Variants in PTPN23 observed in about 807,000 individuals in gnomAD.
PTPN23 encodes protein tyrosine phosphatase non-receptor type 23.
PTPN23 carries 72 observed loss-of-function variants against 156.3 expected under a neutral mutation model. The ratio of observed to expected loss-of-function variants is 0.46; its 90% CI spans 0.38 to 0.56. PTPN23 has a LOEUF of 0.56. Ranked by LOEUF, PTPN23 falls within the 20% of genes least tolerant of loss-of-function variation. The pLI is 0.00. For missense variants in PTPN23, 1,974 were observed against 2,171.5 expected (o/e 0.91, Z 1.81); for synonymous variants, 957 against 899.6 (o/e 1.06, Z -1.14).
rs762365760 is a variant in PTPN23 at position 47,410,822 on chromosome 3, GCAGCCGCCACCCCCCCTA to G, written c.3027_3044del (p.Gln1009_Leu1014del). On this transcript the variant is annotated inframe_deletion, in exon 20 of 25. Coordinates refer to ENST00000265562, the MANE Select transcript of PTPN23 (RefSeq NM_015466.4). The stretch of plus-strand genomic sequence containing the variant: ...ATGCCCCTCAGCCTGGGGTCCTGGG[GCAGCCGCCACCCCCCCTA>G]CACACCCAGCTCTACCCAGGTCCCG... The G allele has an allele frequency of 6.2e-7, 1 of 1,602,598 alleles. No homozygotes were observed. Among genetic ancestry groups the G allele is most frequent in the South Asian group, 1.1e-5 (1 of 90,722 alleles).
intron 2 of PTPN23, among the ~76,000 whole-genome samples, chr3:47,402,158 C>A (rs944878542): frequency 6.6e-6 from 1 of 151,900 alleles, no homozygotes; most frequent in Non-Finnish European, 1.5e-5. Flanking sequence ...TGTTGTTTTC[C>A]CCCCAAAATA....
chr3:47,407,452 G>T lies in PTPN23; in HGVS notation c.924-53G>T. On this transcript the variant is annotated intron_variant, in intron 11 of 24. Transcript: ENST00000265562. The surrounding 1 kb of genome is among the most constrained non-coding windows in gnomAD (Gnocchi z 4.0). Reference sequence around the variant, plus strand: ...GGCATCTACATGGGAAGTAGGTTCTGGATCCCCACTGACACCCCGTGACTG... The same window carrying T: ...GGCATCTACATGGGAAGTAGGTTCTTGATCCCCACTGACACCCCGTGACTG... 2 of 1,608,048 alleles carry T rather than the reference G, an allele frequency of 1.2e-6. No individual in the cohort carries two copies. The highest frequency in any genetic ancestry group is 4.5e-5 in the East Asian group (2 of 44,834).
In PTPN23 at chr3:47,408,788, T is replaced by C. The variant is rs1337729000; in HGVS notation, c.1343T>C (p.Val448Ala). ...LVQSMQVLSG[V>A]FTDVEASLKD... ...TCCACAACCCCAGTGCTGTCAGGTG[T>C]GTTCACGGATGTGGAGGCTTCCCTG... The change falls in exon 16 of 25, where the codon GTG (valine) becomes GCG (alanine). Residue 448 changes from valine (V) to alanine (A), a missense_variant. Coordinates refer to ENST00000265562, the MANE Select transcript of PTPN23 (RefSeq NM_015466.4). 1.3e-6 allele frequency: 2 copies of C among 1,594,070 alleles called. No individual in the cohort carries two copies. Among genetic ancestry groups the C allele is most frequent in the Non-Finnish European group, 8.6e-7 (1 of 1,168,928 alleles).
rs183299169 is a variant in PTPN23, at chr3:47,408,452, G to A, written c.1292G>A (p.Arg431Gln). The A allele has an allele frequency of 5.1e-5, 82 of 1,614,044 alleles. No homozygotes were observed. The highest frequency in any genetic ancestry group is 1.8e-4 in the Admixed American group (11 of 60,010). The change falls in exon 15 of 25, where the codon CGG becomes CAG. Residue 431 changes from arginine (R) to glutamine (Q), a missense_variant. Physicochemically the swap from Arg to Gln is conservative, Grantham distance 43. Around this residue, in one of 4 missense-constraint regions of PTPN23, gnomAD observed 726 missense variants for 929.5 expected, o/e 0.78. Transcript: ENST00000265562. ...GAGAAGTGCGCGGCTCTCAGCGTCC[G>A]GCCCGACACTGTCAGGAACCTTGTA... Reference protein sequence around the residue: ...LMEKCAALSVRPDTVRNLVQS... With the variant: ...LMEKCAALSVQPDTVRNLVQS...
At chr3:47,403,141 C>T (rs1220015696) in intron 2 of PTPN23, among the ~76,000 whole-genome samples, 1 of 151,738 alleles carries the variant, frequency 6.6e-6, no homozygotes, top group Non-Finnish European at 1.5e-5. Context: ...GGCTCCGCCC[C>T]CCGGGGGTTC....
Position 47,409,260 on chromosome 3 carries a change from T to C in PTPN23, c.1740T>C (p.Leu580=), listed in dbSNP as rs986723724. 1.2e-6 allele frequency: 2 copies of C among 1,614,018 alleles called. No individual in the cohort carries two copies. The highest frequency in any genetic ancestry group is 3.3e-5 in the Admixed American group (2 of 59,998). The change falls in exon 17 of 25, where the codon CTT becomes CTC. Residue 580 remains leucine (L), a synonymous_variant. Coordinates refer to ENST00000265562, the MANE Select transcript of PTPN23 (RefSeq NM_015466.4). ...RVSLEQQLRE[L]IQKDDITASL... The stretch of plus-strand genomic sequence containing the variant: ...CCCTGGAGCAGCAGCTGCGTGAGCT[T>C]ATCCAGAAAGATGACATCACTGCCT...
chr3:47,404,756 G>A lies in PTPN23; in HGVS notation c.264G>A (p.Gln88=). 6.2e-7 allele frequency: 1 copy of A among 1,613,792 alleles called. No individual in the cohort carries two copies. ...LQSRVPMGSG[Q]EAAVPVTWTE... ...GTCGGGTCCCCATGGGCTCGGGCCA[G>A]GAGGCCGCTGTCCCTGTCACCTGGT... Residue 88 remains glutamine (Q), a synonymous_variant, in exon 3 of 25, where the codon CAG becomes CAA. Transcript: ENST00000265562.
intron 2 of PTPN23, among the ~76,000 whole-genome samples, chr3:47,400,985 C>T (rs1704982682): frequency 6.6e-6 from 1 of 151,780 alleles, no homozygotes; most frequent in Non-Finnish European, 1.5e-5. Flanking sequence ...TTACTGCAAG[C>T]TCCGCCTCCC....
Position 47,407,437 on chromosome 3 carries a change from T to G in PTPN23, c.924-68T>G. 2 of 1,608,810 alleles carry G rather than the reference T, an allele frequency of 1.2e-6. No homozygotes were observed. Among genetic ancestry groups the G allele is most frequent in the Non-Finnish European group, 1.7e-6 (2 of 1,175,498 alleles). ...TCTTGTCCCTCTGCTGGCATCTACA[T>G]GGGAAGTAGGTTCTGGATCCCCACT... On this transcript the variant is annotated intron_variant, in intron 11 of 24. Coordinates refer to ENST00000265562, the MANE Select transcript of PTPN23 (RefSeq NM_015466.4). This position sits in a 1 kb window ranked among gnomAD's most constrained non-coding sequence, Gnocchi z 4.0.
Position 47,409,709 on chromosome 3 carries a change from G to A in PTPN23, c.2004G>A (p.Leu668=), listed in dbSNP as rs1705217813. The change falls in exon 19 of 25, where the codon CTG becomes CTA. Residue 668 remains leucine, a synonymous_variant. Transcript: ENST00000265562. ...LVASYEAYED[L]MKKSQEGRDF... ...CCTCGTATGAAGCCTATGAGGACCTGATGAAGAAGTCGCAGGAGGGCAGGG... is the reference window on the plus strand; with the variant it reads ...CCTCGTATGAAGCCTATGAGGACCTAATGAAGAAGTCGCAGGAGGGCAGGG... 6.2e-7 allele frequency: 1 copy of A among 1,608,636 alleles called. No homozygotes were observed. Among genetic ancestry groups the A allele is most frequent in the Non-Finnish European group, 8.5e-7 (1 of 1,179,844 alleles).
chr3:47,391,309 G>T (rs1704768409), intron 1 of PTPN23, among the ~76,000 whole-genome samples: 1 of 152,142 alleles, frequency 6.6e-6, no homozygotes, highest in Admixed American at 6.5e-5. Flanking sequence ...GTCTAATATG[G>T]AAAGAACATG....
rs758277509 is a variant in PTPN23, at chr3:47,406,691, C to T, written c.760-12C>T. On this transcript the variant is annotated splice_polypyrimidine_tract_variant and intron_variant, in intron 8 of 24. Transcript: ENST00000265562. The surrounding 1 kb of genome is among the most constrained non-coding windows in gnomAD (Gnocchi z 5.8). ...CAGGAAGCAAGTCGTGGCGTCTCTT[C>T]TTCTTTCCCAGCTGCACATGGGAAA... 2 of 1,614,036 alleles carry T rather than the reference C, an allele frequency of 1.2e-6. No homozygotes were observed. Among genetic ancestry groups the T allele is most frequent in the Non-Finnish European group, 1.7e-6 (2 of 1,179,992 alleles).
chr3:47,389,469 C>T (rs139983395), intron 1 of PTPN23, among the ~76,000 whole-genome samples: 1 of 152,072 alleles, frequency 6.6e-6, no homozygotes, highest in African/African-American at 2.4e-5. Context: ...TAAAAATTAG[C>T]TGGGGCCAGG....
Position 47,410,889 on chromosome 3 carries a change from T to G in PTPN23, c.3091T>G (p.Ser1031Ala). ...CGCTCAAGACCCTCTGCCAGCCCAC[T>G]CAGGGGCTCTGCCTTTCCCCAGCCC... ...GPAQDPLPAH[S>A]GALPFPSPGP... Residue 1031 changes from serine to alanine, a missense_variant, in exon 20 of 25, where the codon TCA becomes GCA. By Grantham distance (99) the Ser-to-Ala change is moderately conservative. Coordinates refer to ENST00000265562, the MANE Select transcript of PTPN23 (RefSeq NM_015466.4). The G allele has an allele frequency of 1.3e-6, 2 of 1,589,394 alleles. No homozygotes were observed. The highest frequency in any genetic ancestry group is 1.7e-6 in the Non-Finnish European group (2 of 1,172,656).
chr3:47,397,492 G>A (rs1444143333), intron 2 of PTPN23, among the ~76,000 whole-genome samples: 1 of 152,298 alleles, frequency 6.6e-6, no homozygotes. Flanking sequence ...GGCTGAACTT[G>A]AGTACCAGTA....
At chr3:47,396,345 TGGGCAGA>T (rs1559520900) in intron 2 of PTPN23, 128 bp downstream of exon 2, 10 of 608,602 alleles carry the variant, frequency 1.6e-5, no homozygotes, top group Non-Finnish European at 2.5e-5. Flanking sequence ...GAGGCCGAGG[TGGGCAGA>T]TCATTTGAGG....
At position 47,402,559 on chromosome 3, in the gene PTPN23, C is replaced by T. The variant is rs567070879; in HGVS notation, c.160-2093C>T. On this transcript the variant is annotated intron_variant, in intron 2 of 24. Coordinates refer to ENST00000265562, the MANE Select transcript of PTPN23 (RefSeq NM_015466.4). ...CCTCCCAAAGTGTTGGGATTATAGG[C>T]GTGAGCCACCTCGCCCAGCCATATC... Among the ~76,000 whole-genome samples the T allele has an allele frequency of 3.3e-3, 497 of 152,280 alleles. 3 individuals are homozygous for T. Among genetic ancestry groups the T allele is most frequent in the Admixed American group, 6.0e-3 (92 of 15,290 alleles).
chr3:47,390,345 C>T (rs1427562064), intron 1 of PTPN23, among the ~76,000 whole-genome samples: 1 of 151,896 alleles, frequency 6.6e-6, no homozygotes, highest in African/African-American at 2.4e-5. Context: ...TGGCTGTGAT[C>T]CCTGGACGTG....
At position 47,411,988 on chromosome 3, in the gene PTPN23, G is replaced by A. The variant is rs1445059050; in HGVS notation, c.4073+21G>A. 2 of 1,606,716 alleles carry A rather than the reference G, an allele frequency of 1.2e-6. No individual in the cohort carries two copies. The highest frequency in any genetic ancestry group is 1.7e-6 in the Non-Finnish European group (2 of 1,175,882). On this transcript the variant is annotated intron_variant, in intron 21 of 24. Transcript: ENST00000265562. This position sits in a 1 kb window ranked among gnomAD's most constrained non-coding sequence, Gnocchi z 6.3. ...GAGTTGTGAGTCCACTGCTCTGGAT[G>A]GTGGTTGGGGGTCTAAGTGCTGTCC...
Sources: allele counts gnomAD v4.1 joint callset (sites outside exome capture counted in the v4.1 genomes callset), GRCh38; gene constraint gnomAD v4.1.1; regional missense constraint gnomAD v4.1.1; non-coding constraint Gnocchi (gnomAD v3.1); transcripts MANE v1.5; gene names NCBI Gene and HGNC (gene_info 2026-07-23, HGNC 2026-07-21).